SDC1: variants seen among roughly 807,000 people sequenced by gnomAD.
SDC1 encodes syndecan-1.
A neutral mutation model predicts 29.7 loss-of-function variants in SDC1; 14 were observed. The observed-to-expected ratio is 0.47, with a 90% CI of 0.31 to 0.74. The LOEUF (loss-of-function observed/expected upper bound fraction) is 0.74. Ranked by LOEUF, SDC1 falls within the 30% of genes least tolerant of loss-of-function variation. The pLI is 0.05. For missense variants in SDC1, 406 were observed against 400.3 expected (o/e 1.01, Z -0.12); for synonymous variants, 204 against 175.5 (o/e 1.16, Z -1.29).
chr2:20,211,170 G>A (rs1237979025), intron 1 of SDC1, among the ~76,000 whole-genome samples: 2 of 152,122 alleles, frequency 1.3e-5, no homozygotes, highest in Non-Finnish European at 2.9e-5. Flanking sequence ...GAATCACCAG[G>A]AGACCACTAC....
intron 1 of SDC1, among the ~76,000 whole-genome samples, chr2:20,214,876 A>T (rs528310284): frequency 1.2e-4 from 18 of 152,316 alleles, no homozygotes; most frequent in Non-Finnish European, 2.2e-4. Context: ...AGGAGCTGGC[A>T]ATCAGTTTTT....
intron 1 of SDC1, chr2:20,207,444 C>T (rs62109731): frequency 0.1 from 98,190 of 973,068 alleles, 5,062 homozygotes; most frequent in African/African-American, 0.15. Context: ...TTGACTGGTG[C>T]AGTGGCTCAC....
At chr2:20,215,112 C>G (rs1677589143) in intron 1 of SDC1, among the ~76,000 whole-genome samples, 1 of 152,256 alleles carries the variant, frequency 6.6e-6, no homozygotes, top group African/African-American at 2.4e-5. Flanking sequence ...CAACAGCCAT[C>G]ATTTCCACTG....
intron 1 of SDC1, among the ~76,000 whole-genome samples, chr2:20,218,780 T>C (rs761632952): frequency 2.7e-4 from 39 of 146,240 alleles, no homozygotes; most frequent in Middle Eastern, 3.8e-3. Flanking sequence ...CACAGACACA[T>C]GGAGACACAC....
At chr2:20,204,698 C>A (rs545215569) in intron 2 of SDC1, among the ~76,000 whole-genome samples, 1 of 152,272 alleles carries the variant, frequency 6.6e-6, no homozygotes, top group Non-Finnish European at 1.5e-5. Flanking sequence ...ACACTTCCAA[C>A]AACAGATATC....
rs1677725889 is a variant in SDC1 at position 20,218,986 on chromosome 2, T to C, written c.66+5816A>G. On this transcript the variant is annotated intron_variant, in intron 1 of 4. Transcript: ENST00000254351. The stretch of plus-strand genomic sequence containing the variant: ...ATAAAAGCCAGGAGGTCAGAGACCC[T>C]TGAGGGGCTCCCAGTGGGGAGAGGA... Among the ~76,000 whole-genome samples, 5 of 152,246 alleles carry C rather than the reference T, an allele frequency of 3.3e-5. No homozygotes were observed. In the South Asian group the frequency reaches 1.0e-3, roughly 32 times the overall value.
At chr2:20,221,280 G>C (rs1260753578) in intron 1 of SDC1, among the ~76,000 whole-genome samples, 1 of 152,182 alleles carries the variant, frequency 6.6e-6, no homozygotes, top group Non-Finnish European at 1.5e-5. Flanking sequence ...TAGTGCCACT[G>C]GAGAAAAGTA....
In SDC1 at chr2:20,203,058, C is replaced by T. The variant is rs761012240; in HGVS notation, c.763+29G>A. On this transcript the variant is annotated intron_variant, in intron 4 of 4. Coordinates refer to ENST00000254351, the MANE Select transcript of SDC1 (RefSeq NM_002997.5). Reference sequence around the variant, plus strand: ...CCTGACCCCACAGCAGCAATTCACCCCAAACTACCCCCCTGAAAGAAAACT... The same window carrying T: ...CCTGACCCCACAGCAGCAATTCACCTCAAACTACCCCCCTGAAAGAAAACT... 3.8e-6 allele frequency: 6 copies of T among 1,582,848 alleles called. No homozygotes were observed. In the East Asian group the frequency reaches 9.1e-5, roughly 24 times the overall value.
intron 1 of SDC1, among the ~76,000 whole-genome samples, chr2:20,206,189 G>A (rs751696357): frequency 6.6e-6 from 1 of 152,246 alleles, no homozygotes; most frequent in South Asian, 2.1e-4. Context: ...GGCTAATCTG[G>A]AAGGGGCCCT....
chr2:20,210,094 C>A (rs939219045), intron 1 of SDC1, among the ~76,000 whole-genome samples: 6 of 152,254 alleles, frequency 3.9e-5, no homozygotes, highest in Admixed American at 1.3e-4. Flanking sequence ...GTGATCCCAG[C>A]ACTTCGGGAG....
intron 1 of SDC1, among the ~76,000 whole-genome samples, chr2:20,213,419 C>T (rs1677535914): frequency 6.6e-6 from 1 of 152,350 alleles, no homozygotes. Flanking sequence ...TCCCAAGACT[C>T]GCCAAACACC....
In SDC1 at chr2:20,202,506, G is replaced by C; in HGVS notation, c.*260C>G. On this transcript the variant is annotated 3_prime_UTR_variant, in exon 5 of 5. Coordinates refer to ENST00000254351, the MANE Select transcript of SDC1 (RefSeq NM_002997.5). The stretch of plus-strand genomic sequence containing the variant: ...CAGTTTGGAGAAACCGAGTCAGAAT[G>C]GTGCGATGCCAGGTGCTGGCTGTGG... The C allele has an allele frequency of 3.4e-6, 2 of 590,196 alleles. No homozygotes were observed. Among genetic ancestry groups the C allele is most frequent in the East Asian group, 2.8e-5 (1 of 35,332 alleles). 36.6% of individuals were successfully genotyped at this position (590,196 alleles called of 1,614,324 possible). A position where few individuals can be genotyped will look rare whatever the true frequency, so the allele number is the denominator to read the frequency against.
intron 3 of SDC1, 133 bp from the exon 4 acceptor site, chr2:20,203,355 G>A (rs2148278741): frequency 9.7e-7 from 1 of 1,034,338 alleles, no homozygotes; most frequent in East Asian, 2.7e-5. Flanking sequence ...ACCCAAACCA[G>A]GATCGCACAG....
At chr2:20,211,342 G>C (rs1677458559) in intron 1 of SDC1, among the ~76,000 whole-genome samples, 1 of 152,208 alleles carries the variant, frequency 6.6e-6, no homozygotes, top group East Asian at 1.9e-4. Context: ...CGTTTCACTT[G>C]AGTCCAGTGT....
chr2:20,208,112 G>A, intron 1 of SDC1: 1 of 985,422 alleles, frequency 1.0e-6, no homozygotes, highest in Non-Finnish European at 1.2e-6. Flanking sequence ...TTGGATCCAT[G>A]CTCCATTCAA....
At chr2:20,206,380 C>T (rs1017252771) in intron 1 of SDC1, among the ~76,000 whole-genome samples, 1 of 152,084 alleles carries the variant, frequency 6.6e-6, no homozygotes, top group Non-Finnish European at 1.5e-5. Flanking sequence ...GGGGCGGGGG[C>T]GGGGAGGCAG....
rs754360401 is a variant in SDC1 at position 20,202,933 on chromosome 2, C to T, written c.766G>A (p.Val256Ile). 1.2e-6 allele frequency: 2 copies of T among 1,605,764 alleles called. No homozygotes were observed. The highest frequency in any genetic ancestry group is 2.2e-5 in the East Asian group (1 of 44,662). ...LLDRKEVLGGVIAGGLVGLIF... is the reference protein window; with the variant it reads ...LLDRKEVLGGIIAGGLVGLIF... ...AGCCCCACGAGGCCTCCGGCAATGA[C>T]CCCTAGGGCAGGTAGACGGGGCCAG... The change falls in exon 5 of 5, where the codon GTC becomes ATC. Residue 256 changes from valine (V) to isoleucine (I), a missense_variant and splice_region_variant. Coordinates refer to ENST00000254351, the MANE Select transcript of SDC1 (RefSeq NM_002997.5).
chr2:20,221,223 T>C (rs1293468446), intron 1 of SDC1, among the ~76,000 whole-genome samples: 1 of 152,174 alleles, frequency 6.6e-6, no homozygotes, highest in Non-Finnish European at 1.5e-5. Flanking sequence ...ACCCAGAGCC[T>C]AAAACTCTCA....
At chr2:20,218,508 A>AC (rs907694510) in intron 1 of SDC1, among the ~76,000 whole-genome samples, 5 of 151,456 alleles carry the variant, frequency 3.3e-5, no homozygotes, top group Non-Finnish European at 7.4e-5. Context: ...TGCAGTAAGC[A>AC]CCCCCCCACC....
Sources: allele counts gnomAD v4.1 joint callset (sites outside exome capture counted in the v4.1 genomes callset), GRCh38; gene constraint gnomAD v4.1.1; transcripts MANE v1.5; gene names NCBI Gene and HGNC (gene_info 2026-07-23, HGNC 2026-07-21).